OTUD7A: variants seen among roughly 807,000 people sequenced by gnomAD.
OTUD7A encodes OTU deubiquitinase 7A, also known as OTU domain-containing protein 7A.
In OTUD7A, 12 loss-of-function variants were observed where a neutral mutation model predicts 65.7. The ratio of observed to expected loss-of-function variants is 0.18; its 90% confidence interval spans 0.12 to 0.30. The LOEUF is 0.30. Among genes scored for constraint, OTUD7A ranks in the 10% least tolerant of loss-of-function variants. The pLI, the probability that OTUD7A is intolerant of heterozygous loss-of-function variation, is 1.00. For missense variants in OTUD7A, 1,148 were observed against 1,304.8 expected, an observed-to-expected ratio of 0.88 and a Z score of 1.85; for synonymous variants, 641 against 586.3, an observed-to-expected ratio of 1.09 and a Z score of -1.35.
chr15:31,497,152 G>A (rs1458293450), intron 10 of OTUD7A, among the ~76,000 whole-genome samples: 1 of 152,228 alleles, frequency 6.6e-6, no homozygotes, highest in African/African-American at 2.4e-5. Flanking sequence ...GACACACTGA[G>A]GGTGCCCTGA....
In OTUD7A at chr15:31,488,807, C is replaced by T. The variant is rs572345407; in HGVS notation, c.1172-1241G>A. ...GGAAAAGTGGGTGCAAATAATTCCC[C>T]TCTCCACCCCCGCACCTCTTCTTCT... On this transcript the variant is annotated intron_variant, in intron 10 of 12. Transcript: ENST00000307050. Among the ~76,000 whole-genome samples, 51 of 152,342 alleles carry T rather than the reference C, an allele frequency of 3.3e-4. 1 individual carries two copies. Among genetic ancestry groups the T allele is most frequent in the South Asian group, 3.3e-3 (16 of 4,824 alleles).
chr15:31,778,583 T>C (rs1204840826), intron 1 of OTUD7A, among the ~76,000 whole-genome samples: 3 of 152,234 alleles, frequency 2.0e-5, no homozygotes, highest in Non-Finnish European at 4.4e-5. Flanking sequence ...CCCACTCCAA[T>C]GCTGCAGGTG....
chr15:31,847,504 G>A (rs1479707211), intron 1 of OTUD7A, among the ~76,000 whole-genome samples: 1 of 152,140 alleles, frequency 6.6e-6, no homozygotes, highest in African/African-American at 2.4e-5. Context: ...CAGTAAAATG[G>A]CCTCTGACTC....
intron 1 of OTUD7A, among the ~76,000 whole-genome samples, chr15:31,795,740 T>A (rs992290527): frequency 6.6e-6 from 1 of 152,202 alleles, no homozygotes; most frequent in Admixed American, 6.5e-5. Flanking sequence ...GCACAGCACC[T>A]GAGACAGGCA....
chr15:31,709,709 A>G (rs1893390289), intron 1 of OTUD7A, among the ~76,000 whole-genome samples: 1 of 151,592 alleles, frequency 6.6e-6, no homozygotes, highest in Non-Finnish European at 1.5e-5. Flanking sequence ...TGCTTTGCAT[A>G]TCTGTGTGTG....
intron 1 of OTUD7A, among the ~76,000 whole-genome samples, chr15:31,780,015 CA>C (rs1387540375): frequency 6.6e-6 from 1 of 152,076 alleles, no homozygotes; most frequent in Non-Finnish European, 1.5e-5. Flanking sequence ...CTGCTCCCTC[CA>C]AGGAGGGAGC....
At chr15:31,731,360 A>G (rs1365876788) in intron 1 of OTUD7A, among the ~76,000 whole-genome samples, 1 of 152,240 alleles carries the variant, frequency 6.6e-6, no homozygotes, top group Non-Finnish European at 1.5e-5. Context: ...AAACTGTGGT[A>G]CATACAGACA....
chr15:31,555,804 T>C (rs1274236934), intron 5 of OTUD7A, among the ~76,000 whole-genome samples: 1 of 151,210 alleles, frequency 6.6e-6, no homozygotes, highest in African/African-American at 2.4e-5. Flanking sequence ...GCTTCACTCC[T>C]CTGAGGGAGC....
chr15:31,591,568 G>A (rs1356535439), intron 3 of OTUD7A, among the ~76,000 whole-genome samples: 1 of 152,116 alleles, frequency 6.6e-6, no homozygotes, highest in Non-Finnish European at 1.5e-5. Context: ...GGACTCAGCT[G>A]GAACTTACAC....
rs1027677194 is a variant in OTUD7A, at chr15:31,484,275, C to T, written c.1821G>A (p.Pro607=). The change falls in exon 13 of 13, where the codon CCG becomes CCA. Residue 607 remains proline (P), a synonymous_variant. Transcript: ENST00000307050. This position sits in a 1 kb window ranked among gnomAD's most constrained non-coding sequence, Gnocchi z 4.5. The part of the protein sequence containing the change: ...SPTDKAAGAS[P]AEKGGGPRGD... Reference sequence around the variant, plus strand: ...CCCGCGGCCCACCGCCCTTCTCCGCCGGCGACGCGCCCGCTGCCTTGTCTG... The same window carrying T: ...CCCGCGGCCCACCGCCCTTCTCCGCTGGCGACGCGCCCGCTGCCTTGTCTG... The T allele has an allele frequency of 5.0e-6, 8 of 1,592,974 alleles. No homozygotes were observed. The Admixed American group carries it at 1.2e-4, about 24-fold the overall frequency.
intron 1 of OTUD7A, among the ~76,000 whole-genome samples, chr15:31,861,162 G>A (rs1897731706): frequency 6.6e-6 from 1 of 152,072 alleles, no homozygotes. Flanking sequence ...GTTGAAAGGG[G>A]TATCAGAGTA....
At chr15:31,749,742 AT>A (rs200308914) in intron 1 of OTUD7A, among the ~76,000 whole-genome samples, 150 of 149,422 alleles carry the variant, frequency 1.0e-3, no homozygotes, top group South Asian at 3.0e-3. Context: ...AAGGTGTACA[AT>A]TTTTTTTTTT....
intron 1 of OTUD7A, chr15:31,766,482 C>G: frequency 6.2e-7 from 1 of 1,602,330 alleles, no homozygotes; most frequent in South Asian, 1.1e-5. Context: ...TTCTATTGTA[C>G]TTTTGCAGAG....
At chr15:31,837,224 T>C (rs577249012) in intron 1 of OTUD7A, among the ~76,000 whole-genome samples, 6 of 152,240 alleles carry the variant, frequency 3.9e-5, no homozygotes, top group Non-Finnish European at 7.4e-5. Flanking sequence ...ATATGATTCA[T>C]GATCACTCAA....
intron 1 of OTUD7A, among the ~76,000 whole-genome samples, chr15:31,691,556 C>A (rs2625799): frequency 1.4e-5 from 2 of 140,258 alleles, no homozygotes; most frequent in East Asian, 2.0e-4. Flanking sequence ...TGAAACTAGA[C>A]CCTCATCTCA....
At chr15:31,560,884 C>T (rs1334506516) in intron 4 of OTUD7A, among the ~76,000 whole-genome samples, 3 of 152,190 alleles carry the variant, frequency 2.0e-5, no homozygotes, top group Non-Finnish European at 4.4e-5. Flanking sequence ...AGCTTTCACC[C>T]GGAACAGCAG....
intron 1 of OTUD7A, among the ~76,000 whole-genome samples, chr15:31,681,336 C>G (rs1892710662): frequency 6.6e-6 from 1 of 152,078 alleles, no homozygotes; most frequent in Admixed American, 6.5e-5. Context: ...CCCAGCCACC[C>G]ACCTATGCAT....
At chr15:31,733,669 C>T (rs1163159608) in intron 1 of OTUD7A, among the ~76,000 whole-genome samples, 10 of 152,146 alleles carry the variant, frequency 6.6e-5, no homozygotes, top group African/African-American at 9.7e-5. Context: ...CCATAATACC[C>T]GACAAATATC....
At chr15:31,537,070 G>A (rs1291310339) in intron 5 of OTUD7A, among the ~76,000 whole-genome samples, 1 of 152,094 alleles carries the variant, frequency 6.6e-6, no homozygotes, top group African/African-American at 2.4e-5. Flanking sequence ...TTAATAAAAG[G>A]TGTTGTTTCT....
Sources: gnomAD v4.1 joint callset for allele counts (sites outside exome capture counted in the v4.1 genomes callset) on GRCh38, gnomAD v4.1.1 for gene constraint, Gnocchi (gnomAD v3.1) non-coding constraint, MANE v1.5 for transcripts, NCBI Gene and HGNC (gene_info 2026-07-23, HGNC 2026-07-21) for gene names.